Variants in MDGA2 observed in about 807,000 individuals in gnomAD.
MDGA2 encodes MAM domain containing glycosylphosphatidylinositol anchor 2, also known as MAM domain-containing glycosylphosphatidylinositol anchor protein 2.
MDGA2 carries 40 observed loss-of-function variants against 117.8 expected under a neutral mutation model. The ratio of observed to expected loss-of-function variants is 0.34; its 90% CI spans 0.26 to 0.44. The LOEUF (loss-of-function observed/expected upper bound fraction) is 0.44. MDGA2 is among the 20% of genes least tolerant of loss of function. The pLI, the probability that MDGA2 is intolerant of heterozygous loss-of-function variation, is 1.00. For synonymous variants in MDGA2, 452 were observed against 439.0 expected, an observed-to-expected ratio of 1.03 and a Z score of -0.37; for missense variants, 1,123 against 1,250.6, an observed-to-expected ratio of 0.90 and a Z score of 1.54.
At chr14:46,917,573 T>C (rs1883949535) in intron 10 of MDGA2, among the ~76,000 whole-genome samples, 2 of 152,168 alleles carry the variant, frequency 1.3e-5, no homozygotes. Flanking sequence ...GAATTCATTA[T>C]TTTAAAAAAA....
chr14:47,149,634 C>T (rs1883085377), intron 3 of MDGA2, among the ~76,000 whole-genome samples: 1 of 152,124 alleles, frequency 6.6e-6, no homozygotes, highest in Non-Finnish European at 1.5e-5. Flanking sequence ...TCATTTGGTC[C>T]TTTTTTCATT....
intron 8 of MDGA2, among the ~76,000 whole-genome samples, chr14:47,013,050 G>A (rs1887950717): frequency 6.6e-6 from 1 of 152,126 alleles, no homozygotes. Flanking sequence ...GATGGTGGTT[G>A]TTAACCACCA....
intron 1 of MDGA2, among the ~76,000 whole-genome samples, chr14:47,619,369 A>T (rs1897009123): frequency 6.6e-6 from 1 of 152,222 alleles, no homozygotes; most frequent in African/African-American, 2.4e-5. Flanking sequence ...GGCTGCTAAC[A>T]AAGAAATGGA....
intron 10 of MDGA2, among the ~76,000 whole-genome samples, chr14:46,902,086 C>T (rs1883308302): frequency 6.6e-6 from 1 of 152,054 alleles, no homozygotes; most frequent in African/African-American, 2.4e-5. Context: ...CCTCATTTTC[C>T]CCTTGTTTTA....
At chr14:47,070,216 C>G (rs1323522054) in intron 6 of MDGA2, among the ~76,000 whole-genome samples, 8 of 152,134 alleles carry the variant, frequency 5.3e-5, no homozygotes, top group Non-Finnish European at 4.4e-5. Flanking sequence ...CTTCCTCCCC[C>G]AATCCCACCC....
intron 1 of MDGA2, among the ~76,000 whole-genome samples, chr14:47,411,653 A>G (rs1892374588): frequency 6.6e-6 from 1 of 152,218 alleles, no homozygotes; most frequent in East Asian, 1.9e-4. Flanking sequence ...AAAAATGTTA[A>G]CTGGCAGTAG....
intron 6 of MDGA2, among the ~76,000 whole-genome samples, chr14:47,088,604 G>A (rs571344211): frequency 1.3e-5 from 2 of 152,178 alleles, no homozygotes; most frequent in Admixed American, 1.3e-4. Flanking sequence ...AATGCATATG[G>A]GCTATATTTG....
intron 10 of MDGA2, among the ~76,000 whole-genome samples, chr14:46,907,027 A>G (rs562632124): frequency 7.8e-6 from 1 of 127,486 alleles, no homozygotes; most frequent in African/African-American, 3.1e-5. Context: ...CCCAGAGTGG[A>G]GTGCAGTGGC....
At chr14:47,180,211 T>C (rs1047301408) in intron 3 of MDGA2, among the ~76,000 whole-genome samples, 3 of 152,136 alleles carry the variant, frequency 2.0e-5, no homozygotes, top group African/African-American at 7.2e-5. Context: ...TAGGCCCCAA[T>C]GTATGTTGTT....
chr14:46,920,530 C>T (rs1257031106), intron 9 of MDGA2, among the ~76,000 whole-genome samples: 2 of 152,110 alleles, frequency 1.3e-5, no homozygotes, highest in African/African-American at 2.4e-5. Flanking sequence ...GTCTGGAATA[C>T]AAGAGAGATC....
chr14:47,292,315 T>C (rs1195896467), intron 2 of MDGA2, among the ~76,000 whole-genome samples: 2 of 152,192 alleles, frequency 1.3e-5, no homozygotes, highest in African/African-American at 4.8e-5. Context: ...AGGTCTTTTC[T>C]ACTAAAATGA....
At chr14:47,609,541 A>G (rs1267738740) in intron 1 of MDGA2, among the ~76,000 whole-genome samples, 2 of 145,672 alleles carry the variant, frequency 1.4e-5, no homozygotes, top group Non-Finnish European at 3.0e-5. Flanking sequence ...TTGTGCTGCT[A>G]TAAAAATGTG....
intron 1 of MDGA2, among the ~76,000 whole-genome samples, chr14:47,380,404 A>T (rs1891588692): frequency 6.6e-6 from 1 of 152,094 alleles, no homozygotes; most frequent in African/African-American, 2.4e-5. Context: ...GACACAAAAA[A>T]CCCTTCAAAA....
chr14:47,308,221 T>C (rs1294970796), intron 1 of MDGA2, among the ~76,000 whole-genome samples: 1 of 152,116 alleles, frequency 6.6e-6, no homozygotes, highest in Non-Finnish European at 1.5e-5. Flanking sequence ...AAATCAAGCT[T>C]GAAGCAAATA....
chr14:47,636,052 C>A (rs751302375), intron 1 of MDGA2, among the ~76,000 whole-genome samples: 1 of 152,012 alleles, frequency 6.6e-6, no homozygotes, highest in Admixed American at 6.6e-5. Context: ...CAGGATAAAT[C>A]GGAAATTTTT....
intron 6 of MDGA2, among the ~76,000 whole-genome samples, chr14:47,078,336 A>G (rs113064230): frequency 2.4e-4 from 36 of 152,282 alleles, no homozygotes; most frequent in African/African-American, 6.0e-4. Flanking sequence ...GCTTTGAAAG[A>G]TATTTGTAGC....
At chr14:47,395,019 G>A (rs1891976865) in intron 1 of MDGA2, among the ~76,000 whole-genome samples, 1 of 151,986 alleles carries the variant, frequency 6.6e-6, no homozygotes, top group South Asian at 2.1e-4. Flanking sequence ...TCTGGGAGTG[G>A]GGCCTCATGC....
intron 2 of MDGA2, among the ~76,000 whole-genome samples, chr14:47,236,290 C>CAA (rs5808383): frequency 0.017 from 1,156 of 66,362 alleles, 7 homozygotes; most frequent in African/African-American, 0.023. Flanking sequence ...GACTCCGCCT[C>CAA]AAAAAAAAAA....
chr14:47,093,030 C>T (rs973920651), intron 6 of MDGA2, among the ~76,000 whole-genome samples: 1 of 152,002 alleles, frequency 6.6e-6, no homozygotes, highest in African/African-American at 2.4e-5. Context: ...AGAAGATCTT[C>T]ATAGCTCACT....
Sources: allele counts gnomAD v4.1 joint callset (sites outside exome capture counted in the v4.1 genomes callset), GRCh38; gene constraint gnomAD v4.1.1; transcripts MANE v1.5; gene names NCBI Gene and HGNC (gene_info 2026-07-23, HGNC 2026-07-21).